TOP6BL: variants seen among roughly 807,000 people sequenced by gnomAD.
TOP6BL encodes the protein type 2 DNA topoisomerase 6 subunit B-like.
chr11:66,818,545 G>T, the TOP6BL span, among the ~76,000 whole-genome samples: 1 of 152,200 alleles, frequency 6.6e-6, no homozygotes, highest in South Asian at 2.1e-4. Flanking sequence ...TTGTGGAAAA[G>T]ACATCAGGGT....
chr11:66,813,732 C>CAAAA, the TOP6BL span: 4 of 631,846 alleles, frequency 6.3e-6, no homozygotes, highest in South Asian at 2.6e-5. Flanking sequence ...GACTCCATCT[C>CAAAA]AAAAAAAAAA....
the TOP6BL span, among the ~76,000 whole-genome samples, chr11:66,833,525 A>G: frequency 6.6e-6 from 1 of 152,284 alleles, no homozygotes; most frequent in South Asian, 2.1e-4. Flanking sequence ...GGACAGGTTC[A>G]GGGTAAGGCA....
At chr11:66,830,531 A>G in the TOP6BL span, among the ~76,000 whole-genome samples, 24 of 152,296 alleles carry the variant, frequency 1.6e-4, no homozygotes, top group South Asian at 5.0e-3. Context: ...AAATGAAATA[A>G]TAAAGATCAG....
At chr11:66,833,278 G>C in the TOP6BL span, among the ~76,000 whole-genome samples, 1 of 151,878 alleles carries the variant, frequency 6.6e-6, no homozygotes, top group Non-Finnish European at 1.5e-5. Flanking sequence ...CGAACTCCTA[G>C]CCTTAGGTGA....
At chr11:66,745,844 T>C in the TOP6BL span, among the ~76,000 whole-genome samples, 1 of 152,250 alleles carries the variant, frequency 6.6e-6, no homozygotes, top group South Asian at 2.1e-4. Flanking sequence ...GGAGTCTCGC[T>C]CTTTCGCCCA....
chr11:66,796,306 T>C, the TOP6BL span: 1 of 1,610,668 alleles, frequency 6.2e-7, no homozygotes, highest in Non-Finnish European at 8.5e-7. Flanking sequence ...AGAACCTTGA[T>C]GACAGATTGT....
At chr11:66,752,904 G>A in the TOP6BL span, among the ~76,000 whole-genome samples, 7 of 152,164 alleles carry the variant, frequency 4.6e-5, no homozygotes, top group South Asian at 2.1e-4. Context: ...TGAGGCCAGC[G>A]GATTGCCTGA....
At chr11:66,822,136 C>T in the TOP6BL span, among the ~76,000 whole-genome samples, 1 of 152,176 alleles carries the variant, frequency 6.6e-6, no homozygotes, top group African/African-American at 2.4e-5. Context: ...TTCTTTACAC[C>T]ACCACTTTCT....
At chr11:66,796,090 T>C in the TOP6BL span, 1 of 550,976 alleles carries the variant, frequency 1.8e-6, no homozygotes, top group South Asian at 2.5e-5. Flanking sequence ...TAATAGATAC[T>C]CTAACCCAAG....
chr11:66,843,302 T>C, the TOP6BL span: 1 of 1,565,894 alleles, frequency 6.4e-7, no homozygotes, highest in Non-Finnish European at 8.6e-7. Context: ...CGTGGTTTAA[T>C]AAAGCTGCCG....
chr11:66,786,974 C>T, the TOP6BL span, among the ~76,000 whole-genome samples: 1 of 149,736 alleles, frequency 6.7e-6, no homozygotes, highest in Non-Finnish European at 1.5e-5. Context: ...GCTCTTGTTG[C>T]CCAGGCTGGA....
chr11:66,815,799 C>T, the TOP6BL span: 1 of 349,434 alleles, frequency 2.9e-6, no homozygotes, highest in African/African-American at 2.1e-5. Flanking sequence ...TGTAGAGCTT[C>T]TCAGTAATGT....
the TOP6BL span, among the ~76,000 whole-genome samples, chr11:66,800,154 A>G: frequency 5.3e-5 from 8 of 152,136 alleles, no homozygotes; most frequent in Non-Finnish European, 8.8e-5. Context: ...ATACTGTATG[A>G]TTTCACTTAT....
chr11:66,820,532 A>T, the TOP6BL span, among the ~76,000 whole-genome samples: 11 of 152,188 alleles, frequency 7.2e-5, no homozygotes, highest in Non-Finnish European at 1.6e-4. Flanking sequence ...TCTGAATGAG[A>T]CTGAGCAGTG....
At chr11:66,784,540 T>C in the TOP6BL span, among the ~76,000 whole-genome samples, 1 of 152,268 alleles carries the variant, frequency 6.6e-6, no homozygotes, top group Non-Finnish European at 1.5e-5. Context: ...GCAGTCACTC[T>C]GCTTACTTTC....
the TOP6BL span, among the ~76,000 whole-genome samples, chr11:66,842,147 G>A: frequency 6.6e-6 from 1 of 152,084 alleles, no homozygotes; most frequent in Non-Finnish European, 1.5e-5. Flanking sequence ...AGGCTGCAGT[G>A]AGCCAGGACT....
At chr11:66,799,747 G>A in the TOP6BL span, among the ~76,000 whole-genome samples, 1 of 151,650 alleles carries the variant, frequency 6.6e-6, no homozygotes. Context: ...GTTTCTCTAG[G>A]TTCATCCGTG....
the TOP6BL span, chr11:66,762,450 G>C: frequency 3.4e-6 from 1 of 293,950 alleles, no homozygotes; most frequent in South Asian, 3.2e-5. Context: ...CCCAGGCCTA[G>C]GTACCCAGAG....
chr11:66,817,155 G>GAAATAAAATA, the TOP6BL span, among the ~76,000 whole-genome samples: 33 of 151,644 alleles, frequency 2.2e-4, no homozygotes, highest in African/African-American at 7.5e-4. Context: ...TCTGTCTCAA[G>GAAATAAAATA]AAATAAAATA....
Sources: allele counts gnomAD v4.1 joint callset (sites outside exome capture counted in the v4.1 genomes callset), GRCh38; gene constraint gnomAD v4.1.1; transcripts MANE v1.5; gene names NCBI Gene and HGNC (gene_info 2026-07-23, HGNC 2026-07-21).